The following DSG2 variants were observed in gnomAD, a reference collection of about 807,000 sequenced individuals.
The protein encoded by DSG2 is desmoglein-2.
Under a neutral mutation model 75.6 loss-of-function variants are expected in DSG2, and 45 were observed. That is an observed-to-expected ratio of 0.60 (90% CI 0.47 to 0.76). The LOEUF is 0.76. Ranked by LOEUF, DSG2 falls within the 30% of genes least tolerant of loss-of-function variation. The pLI is 0.00. For synonymous variants in DSG2, 429 were observed against 483.9 expected, an observed-to-expected ratio of 0.89 and a Z score of 1.49; for missense variants, 1,267 against 1,357.4, an observed-to-expected ratio of 0.93 and a Z score of 1.05.
At chr18:31,521,948 T>C in intron 5 of DSG2, 135 bp from the exon 6 acceptor site, 1 of 740,242 alleles carries the variant, frequency 1.4e-6, no homozygotes, top group Non-Finnish European at 2.2e-6. Flanking sequence ...TTAAATGTTA[T>C]ATTGTGGTCA....
rs77387723 is a variant in DSG2, at chr18:31,512,661, T to C, written c.46-5578T>C. On this transcript the variant is annotated intron_variant, in intron 1 of 14. Coordinates refer to ENST00000261590, the MANE Select transcript of DSG2 (RefSeq NM_001943.5). Reference sequence around the variant, plus strand: ...CCTATCCCTGTGACATCATCATCACTGATTCACCACCGCATGGCCTGGGCG... The same window carrying C: ...CCTATCCCTGTGACATCATCATCACCGATTCACCACCGCATGGCCTGGGCG... Among the ~76,000 whole-genome samples, 307 of 152,356 alleles carry C rather than the reference T, an allele frequency of 2.0e-3. 1 individual carries two copies. The highest frequency in any genetic ancestry group is 7.0e-3 in the African/African-American group (290 of 41,590).
At chr18:31,524,101 G>A (rs890773175) in intron 6 of DSG2, among the ~76,000 whole-genome samples, 2 of 152,206 alleles carry the variant, frequency 1.3e-5, no homozygotes, top group Admixed American at 6.5e-5. Context: ...TCTCCTCACT[G>A]AGAATGAAGT....
intron 11 of DSG2, among the ~76,000 whole-genome samples, chr18:31,536,947 T>C (rs1339212823): frequency 6.6e-6 from 1 of 152,212 alleles, no homozygotes; most frequent in African/African-American, 2.4e-5. Context: ...AGGGGAGTTA[T>C]CTGATTCCCC....
chr18:31,546,713 G>A lies in DSG2; in HGVS notation c.3327G>A (p.Lys1109=). ...TITTSSTRVT[K]HSTVQHSYS is the part of the protein sequence containing the mutation. Reference sequence around the variant, plus strand: ...CCACATCTTCCACCAGAGTTACCAAGCATAGCACTGTACAGCATTCTTACT... The same window carrying A: ...CCACATCTTCCACCAGAGTTACCAAACATAGCACTGTACAGCATTCTTACT... Residue 1109 remains lysine, a synonymous_variant, in exon 15 of 15, where the codon AAG becomes AAA. Transcript: ENST00000261590. 1 of 1,614,174 alleles carries A rather than the reference G, an allele frequency of 6.2e-7. No individual in the cohort carries two copies. Among genetic ancestry groups the A allele is most frequent in the Non-Finnish European group, 8.5e-7 (1 of 1,180,030 alleles).
intron 4 of DSG2, 50 bp downstream of exon 4, chr18:31,521,014 TAA>T: frequency 6.2e-7 from 1 of 1,608,698 alleles, no homozygotes; most frequent in Non-Finnish European, 8.5e-7. Flanking sequence ...TCTGTCATAA[TAA>T]GTGTCATTTG....
intron 9 of DSG2, among the ~76,000 whole-genome samples, chr18:31,533,930 T>C (rs2144337053): frequency 6.6e-6 from 1 of 152,258 alleles, no homozygotes; most frequent in South Asian, 2.1e-4. Context: ...TGGTTGGTAC[T>C]GGTATTTTTA....
At chr18:31,527,850 G>T (rs2073171851) in intron 8 of DSG2, among the ~76,000 whole-genome samples, 17 of 152,190 alleles carry the variant, frequency 1.1e-4, no homozygotes, top group Admixed American at 1.1e-3. Context: ...GTCTGGGCAG[G>T]TCCCGCTTTC....
chr18:31,518,781 A>G (rs1410940207), intron 2 of DSG2, among the ~76,000 whole-genome samples: 1 of 152,192 alleles, frequency 6.6e-6, no homozygotes, highest in Non-Finnish European at 1.5e-5. Context: ...GAAGTAAAAT[A>G]CCTATTACAT....
intron 9 of DSG2, among the ~76,000 whole-genome samples, chr18:31,532,145 TA>T (rs1362526760): frequency 6.6e-6 from 1 of 152,178 alleles, no homozygotes; most frequent in African/African-American, 2.4e-5. Context: ...AAGTAATTTA[TA>T]AACAGCAGAT....
At chr18:31,527,382 A>C (rs2144327059) in intron 8 of DSG2, among the ~76,000 whole-genome samples, 1 of 152,308 alleles carries the variant, frequency 6.6e-6, no homozygotes, top group Non-Finnish European at 1.5e-5. Flanking sequence ...TCAAATCATT[A>C]AGCAATGCAT....
At chr18:31,518,176 A>C (rs544086654) in intron 1 of DSG2, 63 bp from the exon 2 acceptor site, 41 of 1,299,922 alleles carry the variant, frequency 3.2e-5, no homozygotes, top group Non-Finnish European at 4.6e-5. Flanking sequence ...TTATTCATGA[A>C]CAATGTTTTC....
intron 1 of DSG2, among the ~76,000 whole-genome samples, chr18:31,514,388 T>C (rs547736102): frequency 5.4e-4 from 82 of 152,332 alleles, no homozygotes; most frequent in African/African-American, 1.8e-3. Context: ...TTCACTCTGC[T>C]TTTATACATG....
In DSG2 at chr18:31,536,319, A is replaced by T. The variant is rs986617814; in HGVS notation, c.1541A>T (p.Asn514Ile). The T allele has an allele frequency of 2.5e-6, 4 of 1,614,198 alleles. No homozygotes were observed. The highest frequency in any genetic ancestry group is 1.6e-4 in the Middle Eastern group (1 of 6,062). ...QTICHDAEYV[N>I]VTAEDLDGHP... Reference sequence around the variant, plus strand: ...ATCTGTCACGATGCAGAGTATGTGAATGTTACTGCAGAGGACCTGGATGGA... The same window carrying T: ...ATCTGTCACGATGCAGAGTATGTGATTGTTACTGCAGAGGACCTGGATGGA... Residue 514 changes from asparagine to isoleucine, a missense_variant, in exon 11 of 15, where the codon AAT becomes ATT. By Grantham distance (149) the Asn-to-Ile change is moderately radical. Transcript: ENST00000261590.
intron 1 of DSG2, among the ~76,000 whole-genome samples, chr18:31,503,310 A>G (rs972344757): frequency 4.6e-5 from 7 of 152,228 alleles, no homozygotes; most frequent in Admixed American, 1.3e-4. Flanking sequence ...AGGAGCAACT[A>G]TCTCAGCACT....
At chr18:31,528,274 TA>T (rs1396813751) in intron 8 of DSG2, among the ~76,000 whole-genome samples, 2 of 151,800 alleles carry the variant, frequency 1.3e-5, no homozygotes, top group Non-Finnish European at 2.9e-5. Context: ...TTCATGATAA[TA>T]AAAAAAACTA....
intron 9 of DSG2, 108 bp from the exon 10 acceptor site, chr18:31,535,162 T>C (rs749878884): frequency 2.7e-5 from 22 of 824,632 alleles, no homozygotes; most frequent in Non-Finnish European, 4.1e-5. Context: ...ATGCCTGTAA[T>C]AAGAACATAT....
intron 6 of DSG2, among the ~76,000 whole-genome samples, chr18:31,524,091 TCTC>T (rs1408256016): frequency 3.3e-5 from 5 of 152,266 alleles, no homozygotes; most frequent in Admixed American, 1.3e-4. Flanking sequence ...AGGACCAGCT[TCTC>T]CTCACTGAGA....
Position 31,524,570 on chromosome 18 carries a change from A to ATT in DSG2, c.813_814insTT (p.Val272LeufsTer2), listed in dbSNP as rs750612113. On this transcript the variant is annotated frameshift_variant, in exon 7 of 15. Transcript: ENST00000261590. LOFTEE classifies it high-confidence loss of function. Reference sequence around the variant, plus strand: ...TGGATGTCAATGACAATATACCTGTAGTAGAAAATAAAGTGGTAACTATTA... The same window carrying ATT: ...TGGATGTCAATGACAATATACCTGTATTGTAGAAAATAAAGTGGTAACTATTA... The ATT allele has an allele frequency of 2.7e-5, 43 of 1,613,926 alleles. No homozygotes were observed. In the South Asian group the frequency reaches 4.4e-4, roughly 16 times the overall value.
chr18:31,542,958 GGT>G, intron 14 of DSG2, 106 bp downstream of exon 14: 1 of 969,378 alleles, frequency 1.0e-6, no homozygotes, highest in Non-Finnish European at 1.4e-6. Flanking sequence ...TGAGACTTTG[GGT>G]TTTTTTTTTT....
Sources: gnomAD v4.1 joint callset for allele counts (sites outside exome capture counted in the v4.1 genomes callset) on GRCh38, gnomAD v4.1.1 for gene constraint, MANE v1.5 for transcripts, NCBI Gene and HGNC (gene_info 2026-07-23, HGNC 2026-07-21) for gene names.